Variants in TTC28 observed in about 807,000 individuals in gnomAD.
The protein encoded by TTC28 is tetratricopeptide repeat protein 28.
In TTC28, 61 loss-of-function variants were observed where a neutral mutation model predicts 198.0. The ratio of observed to expected loss-of-function variants is 0.31; its 90% CI spans 0.25 to 0.38. The LOEUF (loss-of-function observed/expected upper bound fraction) is 0.38, where lower values mean the gene tolerates loss of function less well. TTC28 is among the 10% of genes least tolerant of loss of function. TTC28 has a pLI of 1.00. For synonymous variants in TTC28, 1,171 were observed against 1,297.8 expected (o/e 0.90, Z 2.10); for missense variants, 2,678 against 3,164.0 (o/e 0.85, Z 3.69).
At chr22:28,044,289 C>G (rs1939775169) in intron 12 of TTC28, among the ~76,000 whole-genome samples, 1 of 152,158 alleles carries the variant, frequency 6.6e-6, no homozygotes, top group African/African-American at 2.4e-5. Context: ...ATAGAACAAA[C>G]CTTCTGTTGG....
chr22:28,466,838 CA>C (rs1451850726), intron 2 of TTC28, among the ~76,000 whole-genome samples: 7 of 151,128 alleles, frequency 4.6e-5, no homozygotes, highest in African/African-American at 1.7e-4. Flanking sequence ...CACACACACA[CA>C]CACACACACA....
intron 2 of TTC28, among the ~76,000 whole-genome samples, chr22:28,470,047 T>A (rs1300828700): frequency 6.6e-6 from 1 of 152,104 alleles, no homozygotes. Context: ...TCTTGCTATG[T>A]TGCCCAAGCT....
chr22:28,265,263 C>G (rs75886489), intron 5 of TTC28, among the ~76,000 whole-genome samples: 1 of 152,104 alleles, frequency 6.6e-6, no homozygotes, highest in Non-Finnish European at 1.5e-5. Flanking sequence ...TGTGGGGTCA[C>G]GCACACCATG....
intron 5 of TTC28, among the ~76,000 whole-genome samples, chr22:28,193,579 G>A (rs2147134756): frequency 6.6e-6 from 1 of 152,228 alleles, no homozygotes; most frequent in East Asian, 1.9e-4. Flanking sequence ...TCAAAATAAA[G>A]GGATGGAGGA....
rs369390451 is a variant in TTC28, at chr22:28,191,756, T to C, written c.934-28157A>G. Among the ~76,000 whole-genome samples, 11 of 152,250 alleles carry C rather than the reference T, an allele frequency of 7.2e-5. No homozygotes were observed. In the East Asian group the frequency reaches 1.7e-3, roughly 24 times the overall value. The stretch of plus-strand genomic sequence containing the variant: ...GAGGCTGGGGGAGGGGTGCCTGACA[T>C]TGCCCAGGCTTCAGAAGGAAAACAA... On this transcript the variant is annotated intron_variant, in intron 5 of 22. Coordinates refer to ENST00000397906, the MANE Select transcript of TTC28 (RefSeq NM_001145418.2).
At chr22:28,442,842 C>CG (rs1406998650) in intron 2 of TTC28, 1 of 152,444 alleles carries the variant, frequency 6.6e-6, no homozygotes, top group Admixed American at 6.5e-5. Flanking sequence ...TACCCTTCCC[C>CG]GGGTTGGGCT....
intron 5 of TTC28, among the ~76,000 whole-genome samples, chr22:28,266,167 G>A (rs1341653129): frequency 6.8e-6 from 1 of 148,038 alleles, no homozygotes. Flanking sequence ...GCAACAGAGC[G>A]AGACTCTGTC....
At chr22:28,102,983 C>T (rs2146886798) in intron 8 of TTC28, among the ~76,000 whole-genome samples, 1 of 152,324 alleles carries the variant, frequency 6.6e-6, no homozygotes, top group South Asian at 2.1e-4. Context: ...GATGTCCCTT[C>T]TAGGTCAAGA....
rs536372118 is a variant in TTC28 at position 28,431,075 on chromosome 22, C to G, written c.382-124432G>C. The stretch of plus-strand genomic sequence containing the variant: ...TTCCAAATACTTCTTCATCTCCCAT[C>G]CAATCTAGCTGTGACCTCTCCTTTA... On this transcript the variant is annotated intron_variant, in intron 2 of 22. Transcript: ENST00000397906. Among the ~76,000 whole-genome samples, 5 of 152,242 alleles carry G rather than the reference C, an allele frequency of 3.3e-5. No homozygotes were observed. The East Asian group carries it at 5.8e-4, about 18-fold the overall frequency.
chr22:28,277,142 A>G (rs1223898262), intron 5 of TTC28, among the ~76,000 whole-genome samples: 3 of 152,196 alleles, frequency 2.0e-5, no homozygotes, highest in African/African-American at 4.8e-5. Context: ...GGTGAAAGAC[A>G]TGTTCTAACA....
At chr22:28,365,894 G>A (rs1056045463) in intron 2 of TTC28, among the ~76,000 whole-genome samples, 13 of 152,132 alleles carry the variant, frequency 8.5e-5, no homozygotes, top group African/African-American at 3.1e-4. Context: ...TTAAAAAAAT[G>A]ATGTGCAAAA....
At chr22:28,117,989 C>T (rs1236321541) in intron 6 of TTC28, among the ~76,000 whole-genome samples, 1 of 152,094 alleles carries the variant, frequency 6.6e-6, no homozygotes, top group Non-Finnish European at 1.5e-5. Context: ...GGGACAAGTA[C>T]CCCATTTACC....
chr22:28,021,130 T>A (rs951524623), intron 13 of TTC28, among the ~76,000 whole-genome samples: 1 of 152,116 alleles, frequency 6.6e-6, no homozygotes, highest in Non-Finnish European at 1.5e-5. Flanking sequence ...GGCTTGACTC[T>A]CCCTCAGCCA....
At chr22:27,990,161 T>C in intron 20 of TTC28, 154 bp from the exon 21 acceptor site, 1 of 1,043,396 alleles carries the variant, frequency 9.6e-7, no homozygotes, top group Non-Finnish European at 1.3e-6. Context: ...GGTGCATTCA[T>C]ACCTACTGTC....
intron 5 of TTC28, among the ~76,000 whole-genome samples, chr22:28,284,912 C>A (rs185240203): frequency 1.6e-4 from 24 of 152,232 alleles, no homozygotes; most frequent in Non-Finnish European, 3.1e-4. Context: ...TAAATTGATA[C>A]AGCCATTAAG....
intron 6 of TTC28, among the ~76,000 whole-genome samples, chr22:28,140,288 T>G (rs1195372866): frequency 6.6e-6 from 1 of 152,238 alleles, no homozygotes. Context: ...AGAGGAAACC[T>G]GATGTAAAAC....
chr22:28,557,346 A>G (rs1265832534), intron 2 of TTC28, among the ~76,000 whole-genome samples: 1 of 152,114 alleles, frequency 6.6e-6, no homozygotes, highest in African/African-American at 2.4e-5. Flanking sequence ...TCTCTGTCAT[A>G]TATTCCATTT....
At chr22:28,497,355 A>G (rs2048471247) in intron 2 of TTC28, among the ~76,000 whole-genome samples, 1 of 152,232 alleles carries the variant, frequency 6.6e-6, no homozygotes, top group Non-Finnish European at 1.5e-5. Flanking sequence ...TATGAGCAAG[A>G]AAGGAAAAGT....
intron 2 of TTC28, among the ~76,000 whole-genome samples, chr22:28,337,732 G>A (rs1353334884): frequency 1.3e-5 from 2 of 152,088 alleles, no homozygotes; most frequent in African/African-American, 4.8e-5. Flanking sequence ...GCCTATGTGT[G>A]TCTCTGCACG....
Sources: allele counts gnomAD v4.1 joint callset (sites outside exome capture counted in the v4.1 genomes callset), GRCh38; gene constraint gnomAD v4.1.1; transcripts MANE v1.5; gene names NCBI Gene and HGNC (gene_info 2026-07-23, HGNC 2026-07-21).